Variants in ZNF536 observed in about 807,000 individuals in gnomAD.
ZNF536 encodes zinc finger protein 536.
Under a neutral mutation model 84.5 loss-of-function variants are expected in ZNF536, and 13 were observed. The ratio of observed to expected loss-of-function variants is 0.15; its 90% CI spans 0.10 to 0.24. The LOEUF (loss-of-function observed/expected upper bound fraction) is 0.24. Among genes scored for constraint, ZNF536 ranks in the 10% least tolerant of loss-of-function variants. The pLI is 1.00. For missense variants in ZNF536, 1,536 were observed against 1,747.5 expected, an observed-to-expected ratio of 0.88 and a Z score of 2.16; for synonymous variants, 811 against 742.5, an observed-to-expected ratio of 1.09 and a Z score of -1.50.
intron 2 of ZNF536, among the ~76,000 whole-genome samples, chr19:30,314,575 A>T (rs1270313585): frequency 1.3e-5 from 2 of 152,064 alleles, no homozygotes; most frequent in African/African-American, 4.8e-5. Context: ...AGGATCTGGG[A>T]GGCAGAGCTC....
chr19:30,632,940 G>C (rs1371084590), intron 1 of ZNF536, among the ~76,000 whole-genome samples: 1 of 152,206 alleles, frequency 6.6e-6, no homozygotes, highest in East Asian at 1.9e-4. Flanking sequence ...AGGGTGGAGA[G>C]AGGAGGAAGA....
intron 1 of ZNF536, among the ~76,000 whole-genome samples, chr19:30,229,240 C>A (rs2022828782): frequency 6.6e-6 from 1 of 152,072 alleles, no homozygotes; most frequent in Admixed American, 6.5e-5. Context: ...TCATTTATTT[C>A]TTTTGCTTGA....
chr19:30,290,669 G>A (rs1433973937), intron 2 of ZNF536, among the ~76,000 whole-genome samples: 1 of 152,066 alleles, frequency 6.6e-6, no homozygotes. Context: ...GGGTTTATAT[G>A]TTTCTTTTTT....
At position 30,598,612 on chromosome 19, in the gene ZNF536, C is replaced by A. The variant is rs145665678; in HGVS notation, c.169+49098C>A. Among the ~76,000 whole-genome samples the A allele has an allele frequency of 1.8e-3, 269 of 152,214 alleles. 4 individuals carry two copies. The highest frequency in any genetic ancestry group is 0.01 in the Admixed American group (160 of 15,290). ...AAGCATAATTATCCACTCCATCTAT[C>A]TAGACAACTCCTATCCACAGAAAAA... On this transcript the variant is annotated intron_variant, in intron 1 of 1. Transcript: ENST00000592773.
chr19:30,490,780 T>C (rs2054477275), intron 2 of ZNF536, among the ~76,000 whole-genome samples: 1 of 152,168 alleles, frequency 6.6e-6, no homozygotes, highest in Non-Finnish European at 1.5e-5. Context: ...AGAGTTTATT[T>C]TGGTATAAGA....
downstream of ZNF536, among the ~76,000 whole-genome samples, chr19:30,560,745 G>A (rs2046133819): frequency 6.6e-6 from 1 of 152,204 alleles, no homozygotes; most frequent in African/African-American, 2.4e-5. Flanking sequence ...TGAGATTGTA[G>A]ATATTCTGGT....
intron 2 of ZNF536, among the ~76,000 whole-genome samples, chr19:30,319,814 T>C (rs1428827024): frequency 6.6e-6 from 1 of 152,214 alleles, no homozygotes; most frequent in East Asian, 1.9e-4. Context: ...ATCAATATCA[T>C]CAGCTGTATT....
chr19:30,270,629 A>G (rs2025776289), intron 1 of ZNF536, among the ~76,000 whole-genome samples: 1 of 152,210 alleles, frequency 6.6e-6, no homozygotes, highest in African/African-American at 2.4e-5. Flanking sequence ...AGAGTGATGG[A>G]AGATCATGTG....
In ZNF536 at chr19:30,488,141, C is replaced by G. The variant is rs371274194; in HGVS notation, c.2170+42409C>G. Among the ~76,000 whole-genome samples, 12 of 152,318 alleles carry G rather than the reference C, an allele frequency of 7.9e-5. No homozygotes were observed. In the East Asian group the frequency reaches 2.1e-3, roughly 27 times the overall value. ...CTTCATGGGATCTGACATCTACTTACAGATTTCCCTCCCAGTGTGGGATGA... is the reference window on the plus strand; with the variant it reads ...CTTCATGGGATCTGACATCTACTTAGAGATTTCCCTCCCAGTGTGGGATGA... On this transcript the variant is annotated intron_variant, in intron 2 of 4. Transcript: ENST00000355537.
chr19:30,466,201 C>T (rs923092451), intron 2 of ZNF536, among the ~76,000 whole-genome samples: 17 of 150,270 alleles, frequency 1.1e-4, no homozygotes, highest in African/African-American at 2.4e-4. Context: ...CCAGCCTGGG[C>T]GACACAATGA....
chr19:30,700,830 C>T (rs1232489092), intron 1 of ZNF536, among the ~76,000 whole-genome samples: 1 of 152,172 alleles, frequency 6.6e-6, no homozygotes, highest in Non-Finnish European at 1.5e-5. Flanking sequence ...AGTTTCTTAC[C>T]TAGCTGCAGG....
At chr19:30,238,785 GA>G (rs1271987404) in intron 1 of ZNF536, among the ~76,000 whole-genome samples, 2 of 150,770 alleles carry the variant, frequency 1.3e-5, no homozygotes, top group African/African-American at 4.9e-5. Context: ...ATAGCAAAAT[GA>G]AAGCAGTGAT....
At chr19:30,676,969 G>A (rs975856532) in intron 1 of ZNF536, among the ~76,000 whole-genome samples, 1 of 152,148 alleles carries the variant, frequency 6.6e-6, no homozygotes, top group African/African-American at 2.4e-5. Flanking sequence ...GCCTCCCAAA[G>A]TGCTGGGATA....
intron 1 of ZNF536, among the ~76,000 whole-genome samples, chr19:30,234,643 C>T (rs2023333526): frequency 6.6e-6 from 1 of 151,928 alleles, no homozygotes. Context: ...CTCAGGTGAT[C>T]CACCTGCCTC....
At chr19:30,454,815 A>G (rs766963297) in intron 2 of ZNF536, among the ~76,000 whole-genome samples, 7 of 152,202 alleles carry the variant, frequency 4.6e-5, no homozygotes, top group Non-Finnish European at 7.4e-5. Flanking sequence ...GGTGGATCAC[A>G]TGAGGTCAGG....
At chr19:30,672,282 G>C (rs915862461) in intron 1 of ZNF536, among the ~76,000 whole-genome samples, 2 of 152,222 alleles carry the variant, frequency 1.3e-5, no homozygotes, top group African/African-American at 4.8e-5. Flanking sequence ...TGATGTTATA[G>C]AGACTTAAGT....
At chr19:30,646,955 G>C (rs1388200737) in intron 1 of ZNF536, among the ~76,000 whole-genome samples, 1 of 151,978 alleles carries the variant, frequency 6.6e-6, no homozygotes, top group African/African-American at 2.4e-5. Context: ...ATGCTCACAA[G>C]TACCCTTGGT....
chr19:30,342,772 TA>T (rs2047603993), intron 2 of ZNF536, among the ~76,000 whole-genome samples: 1 of 152,260 alleles, frequency 6.6e-6, no homozygotes, highest in African/African-American at 2.4e-5. Context: ...AGTTTAATTT[TA>T]TCCAACTTTA....
At chr19:30,302,264 T>G (rs1415103011) in intron 2 of ZNF536, among the ~76,000 whole-genome samples, 1 of 152,138 alleles carries the variant, frequency 6.6e-6, no homozygotes, top group African/African-American at 2.4e-5. Flanking sequence ...GGAGGCTCTG[T>G]CCGTCCTGCG....
Sources: allele counts gnomAD v4.1 joint callset (sites outside exome capture counted in the v4.1 genomes callset), GRCh38; gene constraint gnomAD v4.1.1; transcripts MANE v1.5; gene names NCBI Gene and HGNC (gene_info 2026-07-23, HGNC 2026-07-21).